RBMS3: variants seen among roughly 807,000 people sequenced by gnomAD.
RBMS3 encodes RNA-binding motif, single-stranded-interacting protein 3.
RBMS3 carries 27 observed loss-of-function variants against 66.8 expected under a neutral mutation model. The observed-to-expected ratio is 0.40, with a 90% confidence interval of 0.30 to 0.56. The LOEUF is 0.56. RBMS3 is among the 20% of genes least tolerant of loss of function. The pLI is 0.40. For missense variants in RBMS3, 513 were observed against 549.5 expected, an observed-to-expected ratio of 0.93 and a Z score of 0.66; for synonymous variants, 188 against 183.0, an observed-to-expected ratio of 1.03 and a Z score of -0.22.
chr3:29,658,970 G>T (rs767894708), intron 4 of RBMS3, among the ~76,000 whole-genome samples: 1 of 151,976 alleles, frequency 6.6e-6, no homozygotes, highest in Non-Finnish European at 1.5e-5. Flanking sequence ...CTACAGGCAC[G>T]AGCCACCACA....
rs143110952 is a variant in RBMS3 at position 29,364,954 on chromosome 3, C to T, written c.76-69789C>T. On this transcript the variant is annotated intron_variant, in intron 1 of 14. Transcript: ENST00000383767. ...TGGAGTTTGGTTTGAAATAGCTCCA[C>T]GTAGTCCTCCTTTTTCCCAGTTCCT... 7.0e-4 allele frequency among the ~76,000 whole-genome samples: 107 copies of T among 152,208 alleles called. No homozygotes were observed. The Middle Eastern group carries it at 0.02, about 29-fold the overall frequency.
At chr3:29,680,609 T>C (rs1015500366) in intron 4 of RBMS3, among the ~76,000 whole-genome samples, 2 of 152,176 alleles carry the variant, frequency 1.3e-5, no homozygotes, top group Admixed American at 1.3e-4. Flanking sequence ...AAAATTTCCC[T>C]AACATTTTAT....
At chr3:29,916,903 G>A (rs540161854) in intron 10 of RBMS3, among the ~76,000 whole-genome samples, 1 of 152,038 alleles carries the variant, frequency 6.6e-6, no homozygotes, top group East Asian at 1.9e-4. Flanking sequence ...GTTTTTAGCA[G>A]AATCAAGAAC....
intron 3 of RBMS3, among the ~76,000 whole-genome samples, chr3:29,559,834 T>A (rs2046488517): frequency 6.6e-6 from 1 of 152,170 alleles, no homozygotes; most frequent in Non-Finnish European, 1.5e-5. Flanking sequence ...TGAACCTAAA[T>A]AAAGAGCTTT....
rs535600599 is a variant in RBMS3, at chr3:29,845,466, C to A, written c.638-23392C>A. Among the ~76,000 whole-genome samples, 9 of 152,230 alleles carry A rather than the reference C, an allele frequency of 5.9e-5. No individual in the cohort carries two copies. In the East Asian group the frequency reaches 1.7e-3, roughly 29 times the overall value. The stretch of plus-strand genomic sequence containing the variant: ...TCATTTTATCTATCAATTGGTTAAA[C>A]CCAATTAAATGCCTACATATGTGTG... On this transcript the variant is annotated intron_variant, in intron 6 of 14. Transcript: ENST00000383767.
At chr3:29,801,284 T>G (rs894403620) in intron 6 of RBMS3, among the ~76,000 whole-genome samples, 1 of 150,682 alleles carries the variant, frequency 6.6e-6, no homozygotes, top group Non-Finnish European at 1.5e-5. Flanking sequence ...TTTTTTTTTT[T>G]TGAGACAAAG....
chr3:29,561,512 GCA>G (rs1203974094), intron 3 of RBMS3, among the ~76,000 whole-genome samples: 2 of 152,104 alleles, frequency 1.3e-5, no homozygotes, highest in Non-Finnish European at 2.9e-5. Context: ...GAGTGCAGTG[GCA>G]CAATCTCAGC....
intron 12 of RBMS3, among the ~76,000 whole-genome samples, chr3:29,979,157 G>A (rs1055238795): frequency 6.6e-6 from 1 of 151,036 alleles, no homozygotes; most frequent in East Asian, 1.9e-4. Context: ...GAGAAGGAAA[G>A]AAACAACAAC....
At chr3:29,410,909 G>A (rs943359315) in intron 1 of RBMS3, among the ~76,000 whole-genome samples, 4 of 150,266 alleles carry the variant, frequency 2.7e-5, no homozygotes, top group African/African-American at 9.8e-5. Context: ...ATTTTGGCAA[G>A]CTTGCCTATT....
rs550570764 is a variant in RBMS3, at chr3:29,412,404, T to A, written c.76-22339T>A. 4.6e-5 allele frequency among the ~76,000 whole-genome samples: 7 copies of A among 152,274 alleles called. No homozygotes were observed. In the South Asian group the frequency reaches 1.5e-3, roughly 32 times the overall value. Reference sequence around the variant, plus strand: ...GAAAATACATTTATTATAGTTCCCTTTTTTGTTCTTACCACAGCCCCAGAA... The same window carrying A: ...GAAAATACATTTATTATAGTTCCCTATTTTGTTCTTACCACAGCCCCAGAA... On this transcript the variant is annotated intron_variant, in intron 1 of 14. Coordinates refer to ENST00000383767, the MANE Select transcript of RBMS3 (RefSeq NM_001003793.3).
chr3:29,310,349 T>C (rs2034298371), intron 1 of RBMS3, among the ~76,000 whole-genome samples: 1 of 151,698 alleles, frequency 6.6e-6, no homozygotes, highest in Non-Finnish European at 1.5e-5. Flanking sequence ...GTCAAATTTG[T>C]CTTTCTAGTA....
intron 1 of RBMS3, among the ~76,000 whole-genome samples, chr3:29,299,733 T>C (rs1419822597): frequency 6.6e-6 from 1 of 151,888 alleles, no homozygotes; most frequent in Non-Finnish European, 1.5e-5. Flanking sequence ...ATAAGTTATA[T>C]ACAAACACTA....
chr3:29,912,759 T>C (rs1306440498), intron 10 of RBMS3, among the ~76,000 whole-genome samples: 2 of 152,068 alleles, frequency 1.3e-5, no homozygotes, highest in Non-Finnish European at 2.9e-5. Flanking sequence ...GATATAAGAA[T>C]GACTCAGTAA....
At chr3:29,711,371 C>T (rs529648409) in intron 4 of RBMS3, among the ~76,000 whole-genome samples, 1 of 152,118 alleles carries the variant, frequency 6.6e-6, no homozygotes, top group Non-Finnish European at 1.5e-5. Flanking sequence ...TCTCCATATT[C>T]GTTGGCTCTC....
At chr3:29,825,809 G>GCTA (rs2058197222) in intron 6 of RBMS3, among the ~76,000 whole-genome samples, 1 of 152,004 alleles carries the variant, frequency 6.6e-6, no homozygotes, top group South Asian at 2.1e-4. Flanking sequence ...GCAAGACCTA[G>GCTA]GTCATTTACT....
chr3:29,349,226 C>G (rs1336203259), intron 1 of RBMS3, among the ~76,000 whole-genome samples: 20 of 152,108 alleles, frequency 1.3e-4, no homozygotes, highest in Non-Finnish European at 1.5e-5. Flanking sequence ...ATTCTCTCTG[C>G]AGGAATCTCA....
intron 6 of RBMS3, among the ~76,000 whole-genome samples, chr3:29,800,253 C>G (rs1482571547): frequency 6.6e-6 from 1 of 151,986 alleles, no homozygotes; most frequent in Non-Finnish European, 1.5e-5. Flanking sequence ...AGCATTTCCC[C>G]CTCCTCCATT....
intron 4 of RBMS3, among the ~76,000 whole-genome samples, chr3:29,737,992 T>G (rs1479604913): frequency 2.0e-5 from 3 of 152,140 alleles, no homozygotes; most frequent in Non-Finnish European, 2.9e-5. Context: ...TATATTTTAT[T>G]TTTGCTATTT....
At chr3:29,990,189 G>T (rs1480870220) in intron 13 of RBMS3, among the ~76,000 whole-genome samples, 1 of 151,070 alleles carries the variant, frequency 6.6e-6, no homozygotes, top group Non-Finnish European at 1.5e-5. Flanking sequence ...TAGTAAATTA[G>T]GAAAGAAAAG....
Sources: gnomAD v4.1 joint callset for allele counts (sites outside exome capture counted in the v4.1 genomes callset) on GRCh38, gnomAD v4.1.1 for gene constraint, MANE v1.5 for transcripts, NCBI Gene and HGNC (gene_info 2026-07-23, HGNC 2026-07-21) for gene names.